SPMIP2: variants seen among roughly 807,000 people sequenced by gnomAD.
SPMIP2 encodes protein SPMIP2.
the SPMIP2 span, among the ~76,000 whole-genome samples, chr4:159,028,657 G>C: frequency 6.6e-6 from 1 of 152,122 alleles, no homozygotes; most frequent in Admixed American, 6.5e-5. Flanking sequence ...AAATTGCATA[G>C]GACCTGGAAC....
chr4:159,032,347 A>C, the SPMIP2 span, among the ~76,000 whole-genome samples: 1 of 152,206 alleles, frequency 6.6e-6, no homozygotes, highest in Non-Finnish European at 1.5e-5. Flanking sequence ...TGCTCTCTCT[A>C]TATATACCAC....
the SPMIP2 span, among the ~76,000 whole-genome samples, chr4:158,980,761 G>A: frequency 3.3e-5 from 5 of 152,290 alleles, no homozygotes; most frequent in Admixed American, 1.3e-4. Flanking sequence ...AGAAACCACC[G>A]CAAAAAGACT....
chr4:159,080,224 A>G, the SPMIP2 span, among the ~76,000 whole-genome samples: 1 of 149,852 alleles, frequency 6.7e-6, no homozygotes, highest in African/African-American at 2.4e-5. Flanking sequence ...TTATTTATTT[A>G]TTTATTTATT....
the SPMIP2 span, among the ~76,000 whole-genome samples, chr4:158,943,858 C>CTTTTTTTTTTTTTT: frequency 1.5e-3 from 152 of 101,892 alleles, 4 homozygotes; most frequent in Non-Finnish European, 1.9e-3. Flanking sequence ...TTGACATTTT[C>CTTTTTTTTTTTTTT]TTTTTTTTTT....
At chr4:158,935,716 C>A in the SPMIP2 span, among the ~76,000 whole-genome samples, 100 of 152,294 alleles carry the variant, frequency 6.6e-4, no homozygotes, top group Admixed American at 1.3e-3. Context: ...ATTCTCCTAG[C>A]GGCCTGAACG....
At chr4:159,003,698 GACATTTTTTCTTCCACA>G in the SPMIP2 span, among the ~76,000 whole-genome samples, 1 of 152,166 alleles carries the variant, frequency 6.6e-6, no homozygotes, top group Admixed American at 6.5e-5. Flanking sequence ...AAAAAAGAAA[GACATTTTTTCTTCCACA>G]AAAGAGAGCT....
chr4:159,058,021 T>C, the SPMIP2 span, among the ~76,000 whole-genome samples: 1 of 152,188 alleles, frequency 6.6e-6, no homozygotes, highest in Non-Finnish European at 1.5e-5. Context: ...CATGCCACCA[T>C]GCCTGGCTAA....
chr4:159,031,890 A>G, the SPMIP2 span, among the ~76,000 whole-genome samples: 1 of 152,218 alleles, frequency 6.6e-6, no homozygotes, highest in Non-Finnish European at 1.5e-5. Flanking sequence ...AAAAGGATTC[A>G]TATCTACTTC....
the SPMIP2 span, among the ~76,000 whole-genome samples, chr4:158,980,437 A>G: frequency 6.6e-6 from 1 of 152,222 alleles, no homozygotes; most frequent in South Asian, 2.1e-4. Flanking sequence ...GTGTTGACAG[A>G]CACCTTGTAG....
chr4:159,041,464 A>G, the SPMIP2 span, among the ~76,000 whole-genome samples: 26,726 of 152,100 alleles, frequency 0.18, 2,735 homozygotes, highest in African/African-American at 0.28. Context: ...AACCCTACCT[A>G]TTACTAAGAC....
At chr4:158,990,581 G>T in the SPMIP2 span, among the ~76,000 whole-genome samples, 6 of 152,138 alleles carry the variant, frequency 3.9e-5, no homozygotes, top group Non-Finnish European at 5.9e-5. Context: ...CATGTTCTTT[G>T]CAGGGACATG....
the SPMIP2 span, among the ~76,000 whole-genome samples, chr4:159,066,399 C>T: frequency 4.1e-4 from 63 of 151,942 alleles, no homozygotes; most frequent in Admixed American, 3.7e-3. Context: ...TCAGGATATA[C>T]GACTGAGTCC....
chr4:158,980,246 C>T, the SPMIP2 span, among the ~76,000 whole-genome samples: 2 of 152,190 alleles, frequency 1.3e-5, no homozygotes, highest in African/African-American at 4.8e-5. Context: ...TGGGACAGAG[C>T]ATATGGGGGA....
chr4:159,006,260 G>A, the SPMIP2 span, among the ~76,000 whole-genome samples: 1 of 152,166 alleles, frequency 6.6e-6, no homozygotes, highest in African/African-American at 2.4e-5. Flanking sequence ...AGAGGGAGAG[G>A]TTTTTAGTGT....
At chr4:158,990,082 C>T in the SPMIP2 span, among the ~76,000 whole-genome samples, 1 of 152,086 alleles carries the variant, frequency 6.6e-6, no homozygotes, top group Non-Finnish European at 1.5e-5. Context: ...TGAACGGGTA[C>T]TTCTTAAAGA....
the SPMIP2 span, among the ~76,000 whole-genome samples, chr4:159,039,462 G>A: frequency 6.6e-6 from 1 of 152,162 alleles, no homozygotes; most frequent in Non-Finnish European, 1.5e-5. Context: ...CAGTTTTCTA[G>A]TTTGGCTGAC....
the SPMIP2 span, among the ~76,000 whole-genome samples, chr4:158,894,170 C>CTTT: frequency 7.8e-6 from 1 of 127,476 alleles, no homozygotes; most frequent in Non-Finnish European, 1.7e-5. Context: ...AAAATGTTTT[C>CTTT]TTTTTTTTTT....
chr4:158,992,264 G>T, the SPMIP2 span, among the ~76,000 whole-genome samples: 1 of 152,220 alleles, frequency 6.6e-6, no homozygotes, highest in Non-Finnish European at 1.5e-5. Flanking sequence ...GTGTGTGCGG[G>T]AGGGATCTCT....
At chr4:158,930,191 G>GTCTCTCTCTC in the SPMIP2 span, among the ~76,000 whole-genome samples, 21,630 of 144,018 alleles carry the variant, frequency 0.15, 1,900 homozygotes, top group South Asian at 0.25. Context: ...GAGGATCTCA[G>GTCTCTCTCTC]TCTCTCTCTC....
Sources: gnomAD v4.1 joint callset for allele counts (sites outside exome capture counted in the v4.1 genomes callset) on GRCh38, gnomAD v4.1.1 for gene constraint, MANE v1.5 for transcripts, NCBI Gene and HGNC (gene_info 2026-07-23, HGNC 2026-07-21) for gene names.